The following SPSB4 variants were observed in gnomAD, a reference collection of about 807,000 sequenced individuals.
The protein encoded by SPSB4 is SPRY domain-containing SOCS box protein 4.
A neutral mutation model predicts 20.9 loss-of-function variants in SPSB4; 21 were observed. The ratio of observed to expected loss-of-function variants is 1.01; its 90% CI spans 0.71 to 1.45. SPSB4 has a LOEUF of 1.45. Among genes scored for constraint, SPSB4 ranks in the 40% most tolerant of loss-of-function variants. The pLI, the probability that SPSB4 is intolerant of heterozygous loss-of-function variation, is 0.00. For missense variants in SPSB4, 399 were observed against 399.2 expected, an observed-to-expected ratio of 1.00 and a Z score of 0.00; for synonymous variants, 207 against 183.8, an observed-to-expected ratio of 1.13 and a Z score of -1.02.
intron 2 of SPSB4, among the ~76,000 whole-genome samples, chr3:141,109,301 C>G (rs1021484445): frequency 6.6e-6 from 1 of 151,996 alleles, no homozygotes; most frequent in Non-Finnish European, 1.5e-5. Context: ...ATGGAGCTTC[C>G]GCCTTCTCCT....
intron 2 of SPSB4, among the ~76,000 whole-genome samples, chr3:141,135,702 A>G (rs892032809): frequency 6.6e-6 from 1 of 152,106 alleles, no homozygotes; most frequent in African/African-American, 2.4e-5. Context: ...ATAGTATTCC[A>G]TGGTGTATAT....
At chr3:141,130,618 G>C (rs1308929565) in intron 2 of SPSB4, among the ~76,000 whole-genome samples, 2 of 152,090 alleles carry the variant, frequency 1.3e-5, no homozygotes, top group Non-Finnish European at 2.9e-5. Flanking sequence ...ATAAATACAG[G>C]GTTGGGGTAG....
chr3:141,147,239 G>A lies in SPSB4; in HGVS notation c.792G>A (p.Gln264=). The change falls in exon 3 of 3, where the codon CAG becomes CAA. Residue 264 remains glutamine, a synonymous_variant. Transcript: ENST00000310546. ...ACATCAGCTCCCTGCCCCTGCCTCA[G>A]TCTCTCAAAAACTATCTGCAGTACC... ...LQDISSLPLP[Q]SLKNYLQYQ The A allele has an allele frequency of 6.2e-7, 1 of 1,614,234 alleles. No individual in the cohort carries two copies. Among genetic ancestry groups the A allele is most frequent in the Non-Finnish European group, 8.5e-7 (1 of 1,180,050 alleles).
intron 2 of SPSB4, among the ~76,000 whole-genome samples, chr3:141,142,489 T>C (rs1251359115): frequency 6.6e-6 from 1 of 152,214 alleles, no homozygotes; most frequent in Non-Finnish European, 1.5e-5. Context: ...GAATGTCCCA[T>C]GGGCTGAAGA....
At chr3:141,071,727 A>G (rs1422713613) in intron 2 of SPSB4, among the ~76,000 whole-genome samples, 1 of 152,168 alleles carries the variant, frequency 6.6e-6, no homozygotes, top group East Asian at 1.9e-4. Flanking sequence ...TGACTTTCAC[A>G]GGGTGGAGCG....
intron 1 of SPSB4, among the ~76,000 whole-genome samples, chr3:141,057,307 G>A (rs1937666981): frequency 6.6e-6 from 1 of 152,112 alleles, no homozygotes; most frequent in Admixed American, 6.5e-5. Flanking sequence ...CTTAATATTT[G>A]CACAAGAAAA....
intron 2 of SPSB4, among the ~76,000 whole-genome samples, chr3:141,096,851 A>AT (rs1343511249): frequency 6.6e-6 from 1 of 152,066 alleles, no homozygotes; most frequent in African/African-American, 2.4e-5. Context: ...TGTCTCAAAC[A>AT]TTTTTTAAGG....
intron 2 of SPSB4, among the ~76,000 whole-genome samples, chr3:141,144,354 T>C (rs549466682): frequency 6.6e-6 from 1 of 152,380 alleles, no homozygotes; most frequent in African/African-American, 2.4e-5. Flanking sequence ...TTTTCGGTTT[T>C]ATCTTTAGTC....
At chr3:141,070,279 G>T (rs534132526) in intron 2 of SPSB4, among the ~76,000 whole-genome samples, 64 of 152,194 alleles carry the variant, frequency 4.2e-4, no homozygotes, top group African/African-American at 1.5e-3. Context: ...GGGTGAGGGG[G>T]GTGGTATTCT....
In SPSB4 at chr3:141,066,799, G is replaced by T. The variant is rs770017998; in HGVS notation, c.694+1G>T. The stretch of plus-strand genomic sequence containing the variant: ...ATGCGCTACATCAACGGCCTTGACC[G>T]TAAGTTGTGCTGGGCTGGGGGGCAG... On this transcript the variant is annotated splice_donor_variant, in intron 2 of 2. Transcript: ENST00000310546. LOFTEE classifies it high-confidence loss of function. The T allele has an allele frequency of 2.6e-6, 4 of 1,536,792 alleles. No homozygotes were observed. Among genetic ancestry groups the T allele is most frequent in the Non-Finnish European group, 3.5e-6 (4 of 1,137,300 alleles).
chr3:141,079,794 C>A (rs1183833150), intron 2 of SPSB4, among the ~76,000 whole-genome samples: 1 of 152,110 alleles, frequency 6.6e-6, no homozygotes, highest in African/African-American at 2.4e-5. Context: ...CAGTGGTCCC[C>A]TTTGGGGGAG....
At chr3:141,052,253 A>G (rs990603574) in intron 1 of SPSB4, among the ~76,000 whole-genome samples, 9 of 152,168 alleles carry the variant, frequency 5.9e-5, no homozygotes, top group Non-Finnish European at 1.2e-4. Context: ...AAAAACTGCC[A>G]TCCGATTCAC....
rs1939435270 is a variant in SPSB4, at chr3:141,147,578, G to A, written c.*309G>A. 1 of 312,018 alleles carries A rather than the reference G, an allele frequency of 3.2e-6. No homozygotes were observed. Among genetic ancestry groups the A allele is most frequent in the African/African-American group, 2.1e-5 (1 of 48,366 alleles). The allele number at this position is 312,018 out of a possible 1,614,324, so 19.3% of individuals were successfully genotyped here. On this transcript the variant is annotated 3_prime_UTR_variant, in exon 3 of 3. Coordinates refer to ENST00000310546, the MANE Select transcript of SPSB4 (RefSeq NM_080862.3). Reference sequence around the variant, plus strand: ...GACACAGCAGCCACCGTATTGATCAGAGAGCCTGTTTCCTTATTCAAGAGA... The same window carrying A: ...GACACAGCAGCCACCGTATTGATCAAAGAGCCTGTTTCCTTATTCAAGAGA...
chr3:141,143,763 C>T (rs574378839), intron 2 of SPSB4, among the ~76,000 whole-genome samples: 22 of 152,322 alleles, frequency 1.4e-4, no homozygotes, highest in Non-Finnish European at 2.8e-4. Flanking sequence ...GGAGGTGGTG[C>T]TTTCAAGAGA....
At chr3:141,135,180 ATTG>A (rs1236636467) in intron 2 of SPSB4, among the ~76,000 whole-genome samples, 2 of 151,886 alleles carry the variant, frequency 1.3e-5, no homozygotes, top group Non-Finnish European at 2.9e-5. Flanking sequence ...GTAAAATATA[ATTG>A]TTGTATGATT....
chr3:141,079,033 G>A (rs1938170993), intron 2 of SPSB4, among the ~76,000 whole-genome samples: 2 of 152,126 alleles, frequency 1.3e-5, no homozygotes, highest in Admixed American at 6.5e-5. Context: ...AGGCCGAGGT[G>A]GGCGGATCAC....
chr3:141,095,292 G>A (rs937149107), intron 2 of SPSB4, among the ~76,000 whole-genome samples: 2 of 152,130 alleles, frequency 1.3e-5, no homozygotes, highest in East Asian at 1.9e-4. Flanking sequence ...ACTGCGAGGC[G>A]GAAAATTTGA....
intron 2 of SPSB4, among the ~76,000 whole-genome samples, chr3:141,104,594 AGACCTCGT>A (rs1174590127): frequency 2.6e-5 from 4 of 152,210 alleles, no homozygotes; most frequent in Non-Finnish European, 4.4e-5. Flanking sequence ...AAAGGCTGCC[AGACCTCGT>A]GACCTGCACA....
chr3:141,088,342 G>T (rs1559845716), intron 2 of SPSB4, among the ~76,000 whole-genome samples: 3 of 152,218 alleles, frequency 2.0e-5, no homozygotes, highest in South Asian at 4.1e-4. Context: ...CTTCTAGGTG[G>T]CAGGATAAGA....
Sources: gnomAD v4.1 joint callset for allele counts (sites outside exome capture counted in the v4.1 genomes callset) on GRCh38, gnomAD v4.1.1 for gene constraint, MANE v1.5 for transcripts, NCBI Gene and HGNC (gene_info 2026-07-23, HGNC 2026-07-21) for gene names.